DAPK1: variants seen among roughly 807,000 people sequenced by gnomAD.
The protein encoded by DAPK1 is death associated protein kinase 1, also known as death-associated protein kinase 1.
Under a neutral mutation model 144.9 loss-of-function variants are expected in DAPK1, and 56 were observed. The observed-to-expected ratio is 0.39, with a 90% CI of 0.31 to 0.48. The LOEUF (loss-of-function observed/expected upper bound fraction) is 0.48. Ranked by LOEUF, DAPK1 falls within the 20% of genes least tolerant of loss-of-function variation. The pLI is 0.95. For synonymous variants in DAPK1, 690 were observed against 749.0 expected, an observed-to-expected ratio of 0.92 and a Z score of 1.29; for missense variants, 1,454 against 1,875.4, an observed-to-expected ratio of 0.78 and a Z score of 4.15.
At chr9:87,658,823 T>C (rs1338612654) in intron 18 of DAPK1, among the ~76,000 whole-genome samples, 1 of 152,248 alleles carries the variant, frequency 6.6e-6, no homozygotes, top group Non-Finnish European at 1.5e-5. Flanking sequence ...GTAGGCTGAC[T>C]GTCCAGTCTT....
chr9:87,639,044 T>G (rs36211348), intron 4 of DAPK1, among the ~76,000 whole-genome samples: 3,722 of 152,250 alleles, frequency 0.024, 73 homozygotes, highest in South Asian at 0.048. Context: ...TCCTCTCCCA[T>G]TCCCCCAGTT....
At chr9:87,571,502 C>CACCCCA (rs1827354304) in intron 2 of DAPK1, among the ~76,000 whole-genome samples, 7 of 142,460 alleles carry the variant, frequency 4.9e-5, no homozygotes, top group African/African-American at 8.0e-5. Flanking sequence ...CACCCCAACA[C>CACCCCA]ACACACACAC....
chr9:87,696,910 C>CT, intron 21 of DAPK1, 97 bp from the exon 22 acceptor site: 1 of 768,302 alleles, frequency 1.3e-6, no homozygotes, highest in Admixed American at 1.7e-5. Context: ...ATAAGTATCA[C>CT]TATGCCTACT....
intron 2 of DAPK1, among the ~76,000 whole-genome samples, chr9:87,522,033 A>G (rs1025742368): frequency 2.0e-5 from 3 of 152,222 alleles, no homozygotes; most frequent in South Asian, 2.1e-4. Context: ...GTTTTGATGC[A>G]GCAAGAAGAT....
chr9:87,606,020 T>C (rs1828702273), intron 3 of DAPK1, among the ~76,000 whole-genome samples: 1 of 152,188 alleles, frequency 6.6e-6, no homozygotes, highest in Non-Finnish European at 1.5e-5. Flanking sequence ...GACAAACCAA[T>C]CCTCAGTGGC....
At chr9:87,562,053 G>A (rs1563995267) in intron 2 of DAPK1, among the ~76,000 whole-genome samples, 1 of 152,216 alleles carries the variant, frequency 6.6e-6, no homozygotes, top group Non-Finnish European at 1.5e-5. Context: ...AGAGCATGGA[G>A]AAGAGATGCA....
intron 2 of DAPK1, among the ~76,000 whole-genome samples, chr9:87,535,839 A>C (rs570829250): frequency 6.6e-6 from 1 of 152,234 alleles, no homozygotes. Context: ...GGGGAAAAAA[A>C]GGTGACACAG....
intron 3 of DAPK1, among the ~76,000 whole-genome samples, chr9:87,611,485 G>T (rs556423205): frequency 1.3e-5 from 2 of 152,234 alleles, no homozygotes; most frequent in South Asian, 2.1e-4. Context: ...TTGAGACAGG[G>T]TCTCATTCTG....
intron 2 of DAPK1, among the ~76,000 whole-genome samples, chr9:87,516,714 G>A (rs755246938): frequency 3.3e-4 from 50 of 152,292 alleles, no homozygotes; most frequent in Non-Finnish European, 6.6e-4. Context: ...TCAGCCCCCT[G>A]GCAGGAGGTG....
intron 3 of DAPK1, among the ~76,000 whole-genome samples, chr9:87,621,952 C>T (rs11141916): frequency 3.3e-5 from 5 of 152,038 alleles, no homozygotes; most frequent in Admixed American, 6.5e-5. Flanking sequence ...CTTTTTCACA[C>T]GTTACCACCT....
In DAPK1 at chr9:87,637,927, G is replaced by A; in HGVS notation, c.285-16G>A. 6.2e-7 allele frequency: 1 copy of A among 1,612,462 alleles called. No individual in the cohort carries two copies. The highest frequency in any genetic ancestry group is 8.5e-7 in the Non-Finnish European group (1 of 1,178,856). On this transcript the variant is annotated splice_polypyrimidine_tract_variant and intron_variant, in intron 3 of 25. Coordinates refer to ENST00000408954, the MANE Select transcript of DAPK1 (RefSeq NM_004938.4). ...AACAGAGTTGTTACCAATAACCTCTGCTTCCGGGTTCTCAGCGTTGCAGGT... is the reference window on the plus strand; with the variant it reads ...AACAGAGTTGTTACCAATAACCTCTACTTCCGGGTTCTCAGCGTTGCAGGT...
intron 2 of DAPK1, among the ~76,000 whole-genome samples, chr9:87,578,916 T>G (rs953202558): frequency 5.3e-5 from 8 of 152,254 alleles, no homozygotes; most frequent in African/African-American, 1.9e-4. Flanking sequence ...TGCTCCATCT[T>G]TATTGTATCT....
chr9:87,629,113 T>C (rs1829578466), intron 3 of DAPK1, among the ~76,000 whole-genome samples: 1 of 152,238 alleles, frequency 6.6e-6, no homozygotes, highest in Admixed American at 6.5e-5. Context: ...ATTCTTCTCA[T>C]TGGTTACATT....
intron 24 of DAPK1, among the ~76,000 whole-genome samples, chr9:87,700,723 A>G (rs912235796): frequency 6.6e-6 from 1 of 151,874 alleles, no homozygotes; most frequent in African/African-American, 2.4e-5. Context: ...CTGGTCTCGA[A>G]CTCCTAGGCT....
chr9:87,509,015 T>A (rs1824726519), intron 2 of DAPK1, among the ~76,000 whole-genome samples: 1 of 152,192 alleles, frequency 6.6e-6, no homozygotes, highest in African/African-American at 2.4e-5. Context: ...AAAGCTCAAT[T>A]TTTGAGGCCA....
At chr9:87,541,419 T>A (rs1002525037) in intron 2 of DAPK1, among the ~76,000 whole-genome samples, 2 of 152,032 alleles carry the variant, frequency 1.3e-5, no homozygotes, top group Admixed American at 6.6e-5. Flanking sequence ...TGTGGTGGTG[T>A]GTGCCTGTAA....
In DAPK1 at chr9:87,639,381, A is replaced by C. The variant is rs765533397; in HGVS notation, c.451A>C (p.Asn151His). 4.3e-6 allele frequency: 7 copies of C among 1,610,326 alleles called. No individual in the cohort carries two copies. Among genetic ancestry groups the C allele is most frequent in the Non-Finnish European group, 5.9e-6 (7 of 1,179,010 alleles). Residue 151 changes from asparagine to histidine, a missense_variant, in exon 5 of 26, where the codon AAT becomes CAT. By Grantham distance (68) the Asn-to-His change is moderately conservative (BLOSUM62 1). This residue lies in a region of DAPK1 where 429 missense variants were observed against 637.5 expected (regional missense o/e 0.67). Coordinates refer to ENST00000408954, the MANE Select transcript of DAPK1 (RefSeq NM_004938.4). ...KPENIMLLDRNVPKPRIKIID... is the reference protein window; with the variant it reads ...KPENIMLLDRHVPKPRIKIID... ...TGAGAACATAATGCTTTTGGATAGA[A>C]ATGTCCCCAAACCTCGGATCAAGAT...
intron 24 of DAPK1, among the ~76,000 whole-genome samples, chr9:87,700,712 G>C (rs1449001469): frequency 6.6e-6 from 1 of 151,984 alleles, no homozygotes; most frequent in South Asian, 2.1e-4. Context: ...TGTTGCCCAG[G>C]CTGGTCTCGA....
At chr9:87,632,258 T>C (rs1176382904) in intron 3 of DAPK1, 25 of 982,336 alleles carry the variant, frequency 2.5e-5, no homozygotes, top group Non-Finnish European at 3.0e-5. Flanking sequence ...TGAAGGGTGA[T>C]CAGTATATAT....
Sources: allele counts gnomAD v4.1 joint callset (sites outside exome capture counted in the v4.1 genomes callset), GRCh38; gene constraint gnomAD v4.1.1; regional missense constraint gnomAD v4.1.1; transcripts MANE v1.5; gene names NCBI Gene and HGNC (gene_info 2026-07-23, HGNC 2026-07-21).